LGSN: variants seen among roughly 807,000 people sequenced by gnomAD.
LGSN encodes the protein lengsin.
A neutral mutation model predicts 19.5 loss-of-function variants in LGSN; 21 were observed. That is an observed-to-expected ratio of 1.07 (90% confidence interval 0.76 to 1.55). The LOEUF is 1.55. Among genes scored for constraint, LGSN ranks in the 40% most tolerant of loss-of-function variants. The pLI, the probability that LGSN is intolerant of heterozygous loss-of-function variation, is 0.00. For synonymous variants in LGSN, 257 were observed against 215.6 expected (o/e 1.19, Z -1.68); for missense variants, 673 against 608.5 (o/e 1.11, Z -1.12).
the LGSN span, among the ~76,000 whole-genome samples, chr6:63,367,347 T>C: frequency 5.3e-5 from 8 of 152,218 alleles, no homozygotes; most frequent in African/African-American, 1.9e-4. Flanking sequence ...AAAATGCTCA[T>C]CATTACTGAT....
chr6:63,351,714 T>A, the LGSN span, among the ~76,000 whole-genome samples: 1 of 152,120 alleles, frequency 6.6e-6, no homozygotes, highest in African/African-American at 2.4e-5. Context: ...CACCTCGGCC[T>A]CCCAAAGGGC....
chr6:63,287,991 G>A (rs1767609408), intron 2 of LGSN, among the ~76,000 whole-genome samples: 1 of 151,692 alleles, frequency 6.6e-6, no homozygotes, highest in African/African-American at 2.4e-5. Flanking sequence ...CGAGGCAGGT[G>A]GATCACGAGG....
At chr6:63,483,525 C>T in the LGSN span, among the ~76,000 whole-genome samples, 3 of 151,978 alleles carry the variant, frequency 2.0e-5, no homozygotes, top group African/African-American at 7.3e-5. Flanking sequence ...ACCACCACGC[C>T]CGGCTAATTT....
upstream of LGSN, among the ~76,000 whole-genome samples, chr6:63,323,894 C>T (rs1769160326): frequency 6.6e-6 from 1 of 151,402 alleles, no homozygotes; most frequent in South Asian, 2.1e-4. Context: ...GCCTCAGCCT[C>T]CCAGATAGCT....
At chr6:63,515,054 G>A in the LGSN span, among the ~76,000 whole-genome samples, 1 of 152,078 alleles carries the variant, frequency 6.6e-6, no homozygotes. Context: ...CAAGGCTGGA[G>A]TACAGTGGCA....
chr6:63,303,622 A>T (rs1335610478), intron 1 of LGSN, among the ~76,000 whole-genome samples: 1 of 152,216 alleles, frequency 6.6e-6, no homozygotes, highest in Non-Finnish European at 1.5e-5. Flanking sequence ...CTAAATTCTT[A>T]TATGACTAAA....
chr6:63,323,559 TACACACACACACAC>T (rs58400159), upstream of LGSN, among the ~76,000 whole-genome samples: 11,280 of 132,794 alleles, frequency 0.085, 559 homozygotes, highest in South Asian at 0.11. Context: ...AAACCTCATA[TACACACACACACAC>T]ACACACACAC....
the LGSN span, among the ~76,000 whole-genome samples, chr6:63,356,449 G>A: frequency 1.3e-5 from 2 of 152,102 alleles, no homozygotes; most frequent in African/African-American, 4.8e-5. Flanking sequence ...GGCTGAGGTG[G>A]GAGAATCGCT....
chr6:63,412,428 A>AAGAG, the LGSN span, among the ~76,000 whole-genome samples: 66 of 137,934 alleles, frequency 4.8e-4, 1 homozygote, highest in African/African-American at 2.0e-3. Flanking sequence ...GAAAGAAAGA[A>AAGAG]AGAAAGAAAG....
chr6:63,502,646 A>G, the LGSN span, among the ~76,000 whole-genome samples: 1 of 152,370 alleles, frequency 6.6e-6, no homozygotes, highest in African/African-American at 2.4e-5. Flanking sequence ...ATTTATCAAG[A>G]TACTCTTCCC....
the LGSN span, among the ~76,000 whole-genome samples, chr6:63,330,492 T>C: frequency 2.0e-5 from 3 of 152,222 alleles, no homozygotes; most frequent in Admixed American, 2.0e-4. Flanking sequence ...TAAACTTATC[T>C]TTTAGAATCA....
At chr6:63,496,451 G>A in the LGSN span, among the ~76,000 whole-genome samples, 1 of 152,292 alleles carries the variant, frequency 6.6e-6, no homozygotes, top group Admixed American at 6.5e-5. Context: ...AGACAAGGTT[G>A]CATATAGCTG....
At chr6:63,361,233 G>T in the LGSN span, among the ~76,000 whole-genome samples, 1 of 152,168 alleles carries the variant, frequency 6.6e-6, no homozygotes, top group Non-Finnish European at 1.5e-5. Flanking sequence ...CCTTTTGTTT[G>T]GTTATGCCCT....
chr6:63,368,949 A>G, the LGSN span, among the ~76,000 whole-genome samples: 1 of 152,232 alleles, frequency 6.6e-6, no homozygotes, highest in East Asian at 1.9e-4. Context: ...ATCTTAACAC[A>G]ATGATGACTA....
the LGSN span, among the ~76,000 whole-genome samples, chr6:63,528,633 C>T: frequency 6.6e-6 from 1 of 151,560 alleles, no homozygotes; most frequent in Admixed American, 6.6e-5. Context: ...TGGTGGTGTG[C>T]GCCTGTCATC....
chr6:63,486,837 T>TATTATA, the LGSN span, among the ~76,000 whole-genome samples: 1 of 149,102 alleles, frequency 6.7e-6, no homozygotes, highest in Admixed American at 6.8e-5. Flanking sequence ...TTATTATTAT[T>TATTATA]ATTATTATTA....
chr6:63,471,910 T>G, the LGSN span, among the ~76,000 whole-genome samples: 2 of 152,046 alleles, frequency 1.3e-5, no homozygotes, highest in African/African-American at 4.8e-5. Flanking sequence ...AATCACATTC[T>G]CTCTCTACCA....
the LGSN span, among the ~76,000 whole-genome samples, chr6:63,449,629 CAACCAGTCCAAACTGGATCAAG>C: frequency 6.6e-6 from 1 of 150,614 alleles, no homozygotes; most frequent in African/African-American, 2.4e-5. Flanking sequence ...TCCTAGAAAA[CAACCAGTCCAAACTGGATCAAG>C]AAGATAAAAG....
the LGSN span, among the ~76,000 whole-genome samples, chr6:63,503,680 C>T: frequency 6.6e-6 from 1 of 152,084 alleles, no homozygotes; most frequent in African/African-American, 2.4e-5. Context: ...TCTGGGAGGG[C>T]GAGGCTGGTG....
Sources: allele counts gnomAD v4.1 joint callset (sites outside exome capture counted in the v4.1 genomes callset), GRCh38; gene constraint gnomAD v4.1.1; transcripts MANE v1.5; gene names NCBI Gene and HGNC (gene_info 2026-07-23, HGNC 2026-07-21).